The following RMND5A variants were observed in gnomAD, a reference collection of about 807,000 sequenced individuals.
The protein encoded by RMND5A is required for meiotic nuclear division 5 homolog A.
RMND5A carries 17 observed loss-of-function variants against 49.7 expected under a neutral mutation model. The ratio of observed to expected loss-of-function variants is 0.34; its 90% CI spans 0.23 to 0.51. RMND5A has a LOEUF of 0.51. Among genes scored for constraint, RMND5A ranks in the 20% least tolerant of loss-of-function variants. The probability of loss-of-function intolerance (pLI) is 0.96; values close to 1 mark genes in which losing one functional copy is unlikely to be tolerated. For missense variants in RMND5A, 255 were observed against 471.3 expected, an observed-to-expected ratio of 0.54 and a Z score of 4.25; for synonymous variants, 156 against 167.7, an observed-to-expected ratio of 0.93 and a Z score of 0.54.
chr2:86,751,830 T>C (rs1207667867), intron 2 of RMND5A, 66 bp from the exon 3 acceptor site: 1 of 1,497,204 alleles, frequency 6.7e-7, no homozygotes. Context: ...ACAAAGACCA[T>C]TTTTTTCCTG....
Position 86,774,255 on chromosome 2 carries a change from A to G in RMND5A, c.*844A>G, listed in dbSNP as rs892172936. Reference sequence around the variant, plus strand: ...CTCTTGGTCTTGGTAGCCCTATTATATCATTGCAGACACAGTGTTGTGCAT... The same window carrying G: ...CTCTTGGTCTTGGTAGCCCTATTATGTCATTGCAGACACAGTGTTGTGCAT... On this transcript the variant is annotated 3_prime_UTR_variant, in exon 9 of 9. Transcript: ENST00000283632. 2 of 152,676 alleles carry G rather than the reference A, an allele frequency of 1.3e-5. No individual in the cohort carries two copies. The highest frequency in any genetic ancestry group is 4.8e-5 in the African/African-American group (2 of 41,462). The allele number at this position is 152,676 out of a possible 1,614,324, so 9.5% of individuals were successfully genotyped here.
intron 4 of RMND5A, among the ~76,000 whole-genome samples, chr2:86,760,051 CT>C (rs1232218082): frequency 7.4e-5 from 11 of 148,306 alleles, no homozygotes; most frequent in South Asian, 2.1e-4. Context: ...TGTTTGTATT[CT>C]TTTTTTTTTG....
intron 4 of RMND5A, among the ~76,000 whole-genome samples, chr2:86,763,662 G>A (rs1672543646): frequency 6.6e-6 from 1 of 152,046 alleles, no homozygotes; most frequent in South Asian, 2.1e-4. Context: ...TGTGGTCCTA[G>A]CTACTTCAGA....
chr2:86,767,225 A>G (rs1390607193), intron 6 of RMND5A, among the ~76,000 whole-genome samples: 1 of 151,946 alleles, frequency 6.6e-6, no homozygotes, highest in African/African-American at 2.4e-5. Context: ...CACCACGCCC[A>G]GCTAATTTTT....
At chr2:86,770,787 C>T (rs1672673425) in intron 7 of RMND5A, among the ~76,000 whole-genome samples, 1 of 152,142 alleles carries the variant, frequency 6.6e-6, no homozygotes, top group Non-Finnish European at 1.5e-5. Context: ...ACATGGTAGG[C>T]ACTCAAATTG....
At chr2:86,769,963 C>T (rs978088099) in intron 6 of RMND5A, 60 bp from the exon 7 acceptor site, 1 of 1,256,100 alleles carries the variant, frequency 8.0e-7, no homozygotes, top group Non-Finnish European at 1.2e-6. Context: ...TTGATGTCTC[C>T]TTGGACCAAG....
At chr2:86,744,259 G>T (rs1244775426) in intron 2 of RMND5A, among the ~76,000 whole-genome samples, 1 of 152,138 alleles carries the variant, frequency 6.6e-6, no homozygotes, top group African/African-American at 2.4e-5. Flanking sequence ...GCATTGACTT[G>T]TTAAGTCCTC....
intron 3 of RMND5A, among the ~76,000 whole-genome samples, chr2:86,752,552 A>G (rs1681654532): frequency 6.6e-6 from 1 of 152,258 alleles, no homozygotes; most frequent in African/African-American, 2.4e-5. Flanking sequence ...GCTGCCATAT[A>G]TTGAGTGCTT....
At chr2:86,761,003 T>TGA (rs1672479789) in intron 4 of RMND5A, among the ~76,000 whole-genome samples, 1 of 148,454 alleles carries the variant, frequency 6.7e-6, no homozygotes. Context: ...TGTGTGTGTG[T>TGA]GAATCAGTTT....
chr2:86,751,828 C>G, intron 2 of RMND5A, 68 bp from the exon 3 acceptor site: 1 of 1,490,910 alleles, frequency 6.7e-7, no homozygotes, highest in Non-Finnish European at 9.1e-7. Context: ...AAACAAAGAC[C>G]ATTTTTTTCC....
Position 86,775,018 on chromosome 2 carries a change from G to C in RMND5A, c.*1607G>C, listed in dbSNP as rs1165401583. Reference sequence around the variant, plus strand: ...CCATGTGGCCAGGCCTATGTGGATGGCTACTCCGTGCTGTGCGGCTTCACC... The same window carrying C: ...CCATGTGGCCAGGCCTATGTGGATGCCTACTCCGTGCTGTGCGGCTTCACC... On this transcript the variant is annotated 3_prime_UTR_variant, in exon 9 of 9. Coordinates refer to ENST00000283632, the MANE Select transcript of RMND5A (RefSeq NM_022780.4). 1 of 152,652 alleles carries C rather than the reference G, an allele frequency of 6.6e-6. No homozygotes were observed. Among genetic ancestry groups the C allele is most frequent in the East Asian group, 1.9e-4 (1 of 5,196 alleles). The allele number at this position is 152,652 out of a possible 1,614,324, so 9.5% of individuals were successfully genotyped here. A position where few individuals can be genotyped will look rare whatever the true frequency, so the allele number is the denominator to read the frequency against.
intron 4 of RMND5A, among the ~76,000 whole-genome samples, chr2:86,755,912 C>T (rs1427779960): frequency 6.6e-6 from 1 of 152,060 alleles, no homozygotes; most frequent in Admixed American, 6.6e-5. Flanking sequence ...TGCCTAGCAT[C>T]GTTCTAAGCA....
At chr2:86,747,841 A>G (rs1681565394) in intron 2 of RMND5A, among the ~76,000 whole-genome samples, 1 of 152,136 alleles carries the variant, frequency 6.6e-6, no homozygotes, top group African/African-American at 2.4e-5. Flanking sequence ...CACTTTCATA[A>G]TGATGTTGTA....
Position 86,773,529 on chromosome 2 carries a change from C to T in RMND5A, c.*118C>T, listed in dbSNP as rs572788051. On this transcript the variant is annotated 3_prime_UTR_variant, in exon 9 of 9. Transcript: ENST00000283632. ...TCCTGTGTTTCTATAAGCTAATGCT[C>T]CAGAAACTTTGCCAACCTGTTAGTG... is the stretch of plus-strand genomic sequence containing the variant. 13 of 661,144 alleles carry T rather than the reference C, an allele frequency of 2.0e-5. No individual in the cohort carries two copies. The East Asian group carries it at 3.3e-4, about 17-fold the overall frequency. 41.0% of individuals were successfully genotyped at this position (661,144 alleles called of 1,614,324 possible).
intron 2 of RMND5A, among the ~76,000 whole-genome samples, chr2:86,744,597 A>G (rs147844080): frequency 1.3e-5 from 2 of 152,206 alleles, no homozygotes; most frequent in South Asian, 2.1e-4. Context: ...ATATTTTAAT[A>G]CTTATGTTTT....
At chr2:86,720,895 C>G in intron 1 of RMND5A, 86 bp downstream of exon 1, 1 of 1,327,242 alleles carries the variant, frequency 7.5e-7, no homozygotes, top group Non-Finnish European at 1.0e-6. Flanking sequence ...CTCACCCACC[C>G]TCGCGCCTCT....
chr2:86,756,451 G>A (rs1222511237), intron 4 of RMND5A, among the ~76,000 whole-genome samples: 1 of 152,108 alleles, frequency 6.6e-6, no homozygotes, highest in African/African-American at 2.4e-5. Flanking sequence ...CATTTAACTT[G>A]GTATAACCCA....
At chr2:86,768,391 G>A (rs554216242) in intron 6 of RMND5A, among the ~76,000 whole-genome samples, 3 of 152,332 alleles carry the variant, frequency 2.0e-5, no homozygotes, top group South Asian at 2.1e-4. Flanking sequence ...CCATCCTAGC[G>A]TAGGAGTGGA....
At chr2:86,760,967 TGTGTG>T (rs1482552325) in intron 4 of RMND5A, among the ~76,000 whole-genome samples, 4 of 53,978 alleles carry the variant, frequency 7.4e-5, no homozygotes, top group Non-Finnish European at 1.8e-4. Flanking sequence ...GAGAGAGAAG[TGTGTG>T]TGTGTGTGTG....
Sources: gnomAD v4.1 joint callset for allele counts (sites outside exome capture counted in the v4.1 genomes callset) on GRCh38, gnomAD v4.1.1 for gene constraint, MANE v1.5 for transcripts, NCBI Gene and HGNC (gene_info 2026-07-23, HGNC 2026-07-21) for gene names.